The following SLC2A13 variants were observed in gnomAD, a reference collection of about 807,000 sequenced individuals.
SLC2A13 encodes proton myo-inositol cotransporter.
A neutral mutation model predicts 64.4 loss-of-function variants in SLC2A13; 32 were observed. The observed-to-expected ratio is 0.50, with a 90% CI of 0.37 to 0.67. SLC2A13 has a LOEUF of 0.67. SLC2A13 is among the 30% of genes least tolerant of loss of function. The probability of loss-of-function intolerance (pLI) is 0.00; values close to 1 mark genes in which losing one functional copy is unlikely to be tolerated. For missense variants in SLC2A13, 743 were observed against 829.2 expected (o/e 0.90, Z 1.28); for synonymous variants, 338 against 327.1 (o/e 1.03, Z -0.36).
At chr12:40,048,002 TC>T in intron 2 of SLC2A13, 48 bp downstream of exon 2, 1 of 1,523,594 alleles carries the variant, frequency 6.6e-7, no homozygotes, top group Non-Finnish European at 8.8e-7. Context: ...TTTCTCCCCT[TC>T]CCCAAAATCA....
chr12:40,045,112 C>CTA (rs1948151455), intron 2 of SLC2A13, among the ~76,000 whole-genome samples: 3 of 152,196 alleles, frequency 2.0e-5, no homozygotes, highest in Admixed American at 2.0e-4. Flanking sequence ...CTGTTCATCA[C>CTA]TATAATGCAA....
intron 3 of SLC2A13, among the ~76,000 whole-genome samples, chr12:39,953,652 T>A (rs755429385): frequency 4.1e-4 from 63 of 152,236 alleles, no homozygotes; most frequent in Non-Finnish European, 2.6e-4. Flanking sequence ...CATTTAATTT[T>A]ATTTTAAATG....
intron 7 of SLC2A13, among the ~76,000 whole-genome samples, chr12:39,781,769 C>T (rs551720315): frequency 1.3e-5 from 2 of 152,272 alleles, no homozygotes; most frequent in African/African-American, 4.8e-5. Flanking sequence ...ATTTGTCGTG[C>T]TTCTCTTTAG....
intron 4 of SLC2A13, among the ~76,000 whole-genome samples, chr12:39,896,569 T>C (rs1412090735): frequency 3.8e-5 from 4 of 106,478 alleles, no homozygotes; most frequent in Admixed American, 1.1e-4. Flanking sequence ...TACATATATG[T>C]ATGTATGTGT....
At chr12:39,779,082 G>A (rs535716564) in intron 7 of SLC2A13, among the ~76,000 whole-genome samples, 1 of 152,222 alleles carries the variant, frequency 6.6e-6, no homozygotes, top group Non-Finnish European at 1.5e-5. Flanking sequence ...CCTACAGCTG[G>A]CCCCAAGGGC....
intron 1 of SLC2A13, among the ~76,000 whole-genome samples, chr12:40,102,148 C>A (rs1026534045): frequency 6.6e-6 from 1 of 152,178 alleles, no homozygotes; most frequent in Non-Finnish European, 1.5e-5. Context: ...TCTGGCACTA[C>A]AGAGAAATGT....
Position 39,951,310 on chromosome 12 carries a change from A to C in SLC2A13, c.981T>G (p.Ile327Met). The C allele has an allele frequency of 6.2e-7, 1 of 1,612,688 alleles. No individual in the cohort carries two copies. The highest frequency in any genetic ancestry group is 8.5e-7 in the Non-Finnish European group (1 of 1,179,216). Residue 327 changes from isoleucine (I) to methionine (M), a missense_variant, in exon 4 of 10, where the codon ATT (isoleucine) becomes ATG (methionine). This residue lies in a region of SLC2A13 where 448 missense variants were observed against 447.4 expected (regional missense o/e 1.00). Transcript: ENST00000280871. ...LSYPPTRRALIVGCGLQMFQQ... is the reference protein window; with the variant it reads ...LSYPPTRRALMVGCGLQMFQQ... ...GGAACATTTGTAGGCCACAACCCAC[A>C]ATTAAAGCTCGGCGAGTTGGGGGAT...
intron 6 of SLC2A13, among the ~76,000 whole-genome samples, chr12:39,846,252 C>A (rs192724424): frequency 2.4e-4 from 36 of 152,128 alleles, no homozygotes; most frequent in African/African-American, 8.7e-4. Context: ...TATTATTCAC[C>A]TTTGACCATA....
chr12:39,782,605 C>T (rs1044235724), intron 7 of SLC2A13, among the ~76,000 whole-genome samples: 49 of 152,006 alleles, frequency 3.2e-4, no homozygotes, highest in Non-Finnish European at 1.2e-4. Flanking sequence ...TAAATTGGTA[C>T]AAGTAGAGTG....
chr12:39,981,242 C>A (rs1406118487), intron 3 of SLC2A13, among the ~76,000 whole-genome samples: 3 of 150,078 alleles, frequency 2.0e-5, no homozygotes, highest in East Asian at 1.9e-4. Flanking sequence ...AAAATTGACA[C>A]CCTAACATCA....
chr12:39,962,250 C>T (rs1591953945), intron 3 of SLC2A13, among the ~76,000 whole-genome samples: 1 of 152,126 alleles, frequency 6.6e-6, no homozygotes, highest in African/African-American at 2.4e-5. Context: ...ACCACCATGC[C>T]CAGCTAATTT....
Position 39,756,493 on chromosome 12 carries a change from G to T in SLC2A13, c.*3533C>A, listed in dbSNP as rs1459539118. 1 of 151,692 alleles carries T rather than the reference G, an allele frequency of 6.6e-6. No individual in the cohort carries two copies. The highest frequency in any genetic ancestry group is 1.5e-5 in the Non-Finnish European group (1 of 67,682). 9.4% of individuals were successfully genotyped at this position (151,692 alleles called of 1,614,324 possible). ...TGTTGTTTTTAATAATTGTGCTGAT[G>T]AAATAAAACCAAAATAACATTCCAA... On this transcript the variant is annotated 3_prime_UTR_variant, in exon 10 of 10. Transcript: ENST00000280871.
intron 7 of SLC2A13, among the ~76,000 whole-genome samples, chr12:39,813,517 G>T (rs1306392692): frequency 5.9e-5 from 9 of 151,990 alleles, no homozygotes; most frequent in Non-Finnish European, 1.3e-4. Context: ...TCTCTGCAAG[G>T]ACTTAAAAAA....
intron 1 of SLC2A13, among the ~76,000 whole-genome samples, chr12:40,094,124 G>T (rs991211729): frequency 6.6e-6 from 1 of 152,150 alleles, no homozygotes; most frequent in Admixed American, 6.5e-5. Context: ...TTTCCTAGCC[G>T]ACTGGATAAG....
rs1170691233 is a variant in SLC2A13, at chr12:39,797,737, C to CACACAT, written c.1445+32365_1445+32366insATGTGT. On this transcript the variant is annotated intron_variant, in intron 7 of 9. Coordinates refer to ENST00000280871, the MANE Select transcript of SLC2A13 (RefSeq NM_052885.4). ...AAGCCAGTTATGGTAAACACACACA[C>CACACAT]ACACACACACACACACACACACACA... is the stretch of plus-strand genomic sequence containing the variant. Among the ~76,000 whole-genome samples, 87 of 20,688 alleles carry CACACAT rather than the reference C, an allele frequency of 4.2e-3. 1 individual carries two copies. Among genetic ancestry groups the CACACAT allele is most frequent in the Non-Finnish European group, 7.1e-3 (52 of 7,276 alleles). 13.6% of individuals were successfully genotyped at this position (20,688 alleles called of 152,430 possible). A position where few individuals can be genotyped will look rare whatever the true frequency, so the allele number is the denominator to read the frequency against.
intron 4 of SLC2A13, among the ~76,000 whole-genome samples, chr12:39,930,859 C>T (rs1473822359): frequency 4.6e-5 from 7 of 152,108 alleles, no homozygotes; most frequent in African/African-American, 9.7e-5. Context: ...TTTCACTGTG[C>T]TTTAATAGAT....
At chr12:39,913,397 C>T (rs534362225) in intron 4 of SLC2A13, among the ~76,000 whole-genome samples, 23 of 151,300 alleles carry the variant, frequency 1.5e-4, no homozygotes, top group African/African-American at 2.2e-4. Flanking sequence ...CAATAAAGTA[C>T]GATGAATAAA....
chr12:39,980,250 A>G (rs1334163830), intron 3 of SLC2A13, among the ~76,000 whole-genome samples: 1 of 152,204 alleles, frequency 6.6e-6, no homozygotes, highest in African/African-American at 2.4e-5. Flanking sequence ...CGAGACTAGG[A>G]AGAAACTGCA....
chr12:39,852,624 T>C (rs1262981989), intron 6 of SLC2A13, among the ~76,000 whole-genome samples: 1 of 152,220 alleles, frequency 6.6e-6, no homozygotes, highest in Non-Finnish European at 1.5e-5. Context: ...AACCTAAGGC[T>C]GATTCATGCT....
Sources: gnomAD v4.1 joint callset for allele counts (sites outside exome capture counted in the v4.1 genomes callset) on GRCh38, gnomAD v4.1.1 for gene constraint, gnomAD v4.1.1 regional missense constraint, MANE v1.5 for transcripts, NCBI Gene and HGNC (gene_info 2026-07-23, HGNC 2026-07-21) for gene names.